Variants in SORT1 observed in about 807,000 individuals in gnomAD.
SORT1 encodes sortilin 1, also known as sortilin.
SORT1 carries 39 observed loss-of-function variants against 101.7 expected under a neutral mutation model. That is an observed-to-expected ratio of 0.38 (90% CI 0.30 to 0.50). SORT1 has a LOEUF of 0.50. SORT1 is among the 20% of genes least tolerant of loss of function. The probability of loss-of-function intolerance (pLI) is 0.90; values close to 1 mark genes in which losing one functional copy is unlikely to be tolerated. For missense variants in SORT1, 878 were observed against 1,040.4 expected, an observed-to-expected ratio of 0.84 and a Z score of 2.15; for synonymous variants, 396 against 393.7, an observed-to-expected ratio of 1.01 and a Z score of -0.07.
At chr1:109,351,488 G>C (rs1649956852) in intron 5 of SORT1, among the ~76,000 whole-genome samples, 1 of 152,234 alleles carries the variant, frequency 6.6e-6, no homozygotes, top group Non-Finnish European at 1.5e-5. Context: ...ATGAGGTGTT[G>C]CTGCACAAAG....
chr1:109,351,056 T>C (rs753350149), intron 5 of SORT1, 54 bp from the exon 6 acceptor site: 5 of 1,118,970 alleles, frequency 4.5e-6, no homozygotes, highest in Non-Finnish European at 5.5e-6. Context: ...GTGTAGTTGC[T>C]TGTATGACCT....
At chr1:109,369,101 A>T (rs1248081205) in intron 2 of SORT1, among the ~76,000 whole-genome samples, 1 of 152,064 alleles carries the variant, frequency 6.6e-6, no homozygotes, top group Non-Finnish European at 1.5e-5. Context: ...CGCGTGGATC[A>T]CCTGAGGTCA....
At chr1:109,378,496 A>G (rs992961413) in intron 1 of SORT1, among the ~76,000 whole-genome samples, 1 of 151,570 alleles carries the variant, frequency 6.6e-6, no homozygotes, top group Non-Finnish European at 1.5e-5. Context: ...AGGCAAAGTA[A>G]GAAGAATAAA....
chr1:109,375,746 T>C (rs1372883353), intron 1 of SORT1, among the ~76,000 whole-genome samples: 2 of 151,800 alleles, frequency 1.3e-5, no homozygotes, highest in Middle Eastern at 3.2e-3. Context: ...TGACATTACA[T>C]ACAGAGAAAC....
At chr1:109,330,568 G>C (rs1451380504) in intron 11 of SORT1, among the ~76,000 whole-genome samples, 1 of 152,006 alleles carries the variant, frequency 6.6e-6, no homozygotes, top group Non-Finnish European at 1.5e-5. Context: ...ATACCTCAAG[G>C]AACTAGAAAA....
At chr1:109,372,884 G>C in intron 1 of SORT1, among the ~76,000 whole-genome samples, 1 of 149,374 alleles carries the variant, frequency 6.7e-6, no homozygotes, top group Non-Finnish European at 1.5e-5. Flanking sequence ...GGGCGACAGA[G>C]CGAGGCTCCG....
intron 3 of SORT1, among the ~76,000 whole-genome samples, chr1:109,363,541 C>G (rs995126292): frequency 2.0e-5 from 3 of 152,070 alleles, no homozygotes; most frequent in African/African-American, 7.2e-5. Context: ...CCAAATCCTT[C>G]AATAATTCTT....
chr1:109,351,730 G>A (rs557925816), intron 5 of SORT1, among the ~76,000 whole-genome samples: 3 of 152,326 alleles, frequency 2.0e-5, no homozygotes, highest in South Asian at 2.1e-4. Flanking sequence ...CTAAGCAGGA[G>A]GATGACACAG....
At chr1:109,350,191 A>G (rs1649867422) in intron 6 of SORT1, among the ~76,000 whole-genome samples, 1 of 152,218 alleles carries the variant, frequency 6.6e-6, no homozygotes, top group African/African-American at 2.4e-5. Context: ...GTCAAAGGGA[A>G]AGGAGAAAGA....
chr1:109,316,677 T>G (rs1647238137), intron 17 of SORT1, among the ~76,000 whole-genome samples, 173 bp downstream of exon 17: 1 of 152,258 alleles, frequency 6.6e-6, no homozygotes, highest in Non-Finnish European at 1.5e-5. Context: ...AGCTTATCAC[T>G]GGGTTACATG....
At chr1:109,367,370 A>T in intron 3 of SORT1, 38 bp downstream of exon 3, 1 of 1,151,508 alleles carries the variant, frequency 8.7e-7, no homozygotes, top group Non-Finnish European at 1.3e-6. Flanking sequence ...TCTCAATGTT[A>T]CTTAGTGAAA....
intron 1 of SORT1, among the ~76,000 whole-genome samples, chr1:109,370,956 A>C (rs1198321536): frequency 1.3e-5 from 2 of 152,150 alleles, no homozygotes; most frequent in Non-Finnish European, 2.9e-5. Context: ...AAGAAACAGA[A>C]CTCAAAACAT....
intron 1 of SORT1, among the ~76,000 whole-genome samples, chr1:109,381,881 G>C (rs1172370079): frequency 6.6e-6 from 1 of 151,518 alleles, no homozygotes; most frequent in African/African-American, 2.4e-5. Context: ...AAAAAAAAAA[G>C]GTATCTGGAA....
At position 109,314,719 on chromosome 1, in the gene SORT1, T is replaced by A. The variant is rs766600918; in HGVS notation, c.2310A>T (p.Thr770=). 6.2e-7 allele frequency: 1 copy of A among 1,612,136 alleles called. No homozygotes were observed. The highest frequency in any genetic ancestry group is 1.3e-5 in the African/African-American group (1 of 74,882). ...TCACAATGAGCACTCCTGCTACGAC[T>A]GTGACCAGCATCAATCCCACGATGG... ...ILAIVGLMLV[T]VVAGVLIVKK... Residue 770 remains threonine (T), a synonymous_variant, in exon 18 of 20, where the codon ACA becomes ACT. Transcript: ENST00000256637.
intron 13 of SORT1, 49 bp from the exon 14 acceptor site, chr1:109,325,138 G>A: frequency 7.8e-7 from 1 of 1,287,738 alleles, no homozygotes; most frequent in Non-Finnish European, 1.1e-6. Context: ...AATGTGTACT[G>A]GGAATTCAGA....
chr1:109,362,683 G>A (rs1202013903), intron 3 of SORT1, among the ~76,000 whole-genome samples: 2 of 151,958 alleles, frequency 1.3e-5, no homozygotes, highest in Non-Finnish European at 2.9e-5. Context: ...TAATCAGAAG[G>A]AACATGAATA....
chr1:109,355,641 A>ACCCCCCCCCCCCCCCCCCCCCC (rs529686433), intron 3 of SORT1, among the ~76,000 whole-genome samples, 172 bp from the exon 4 acceptor site: 5 of 84,102 alleles, frequency 5.9e-5, no homozygotes, highest in Non-Finnish European at 6.9e-5. Flanking sequence ...AGAACATTCC[A>ACCCCCCCCCCCCCCCCCCCCCC]CCCGCCCCCC....
At chr1:109,355,582 AC>A (rs1304051016) in intron 3 of SORT1, 113 bp from the exon 4 acceptor site, 3 of 569,414 alleles carry the variant, frequency 5.3e-6, no homozygotes, top group Non-Finnish European at 6.4e-6. Flanking sequence ...GACTCGGCTC[AC>A]CCTGAATAGC....
At chr1:109,369,471 C>T (rs1242003206) in intron 2 of SORT1, 59 bp downstream of exon 2, 3 of 1,113,178 alleles carry the variant, frequency 2.7e-6, no homozygotes, top group African/African-American at 3.1e-5. Context: ...TTAACCCTTC[C>T]CCAAATCTGT....
Sources: allele counts gnomAD v4.1 joint callset (sites outside exome capture counted in the v4.1 genomes callset), GRCh38; gene constraint gnomAD v4.1.1; transcripts MANE v1.5; gene names NCBI Gene and HGNC (gene_info 2026-07-23, HGNC 2026-07-21).